Variants in SCYL3 observed in about 807,000 individuals in gnomAD.
SCYL3 encodes SCY1 like pseudokinase 3.
A neutral mutation model predicts 73.8 loss-of-function variants in SCYL3; 35 were observed. The ratio of observed to expected loss-of-function variants is 0.47; its 90% CI spans 0.36 to 0.63. The LOEUF (loss-of-function observed/expected upper bound fraction) is 0.63, where lower values mean the gene tolerates loss of function less well. SCYL3 is among the 20% of genes least tolerant of loss of function. The probability of loss-of-function intolerance (pLI) is 0.00; values close to 1 mark genes in which losing one functional copy is unlikely to be tolerated. For synonymous variants in SCYL3, 277 were observed against 295.2 expected (o/e 0.94, Z 0.63); for missense variants, 712 against 798.9 (o/e 0.89, Z 1.31).
chr1:169,873,850 C>T, intron 4 of SCYL3, 98 bp from the exon 5 acceptor site: 1 of 778,216 alleles, frequency 1.3e-6, no homozygotes, highest in Admixed American at 2.5e-5. Context: ...ATGCAAACAG[C>T]ACCAATTAAA....
chr1:169,863,439 ATTG>A (rs1297909782), intron 9 of SCYL3, among the ~76,000 whole-genome samples: 2 of 152,130 alleles, frequency 1.3e-5, no homozygotes, highest in East Asian at 1.9e-4. Context: ...ACATACTGAT[ATTG>A]TTGTAGTTTT....
At position 169,852,809 on chromosome 1, in the gene SCYL3, G is replaced by T. The variant is rs758659627; in HGVS notation, c.*904C>A. 4 of 1,613,942 alleles carry T rather than the reference G, an allele frequency of 2.5e-6. No individual in the cohort carries two copies. In the Admixed American group the frequency reaches 6.7e-5, roughly 27 times the overall value. On this transcript the variant is annotated 3_prime_UTR_variant, in exon 13 of 13. Coordinates refer to ENST00000367771, the MANE Select transcript of SCYL3 (RefSeq NM_020423.7). The stretch of plus-strand genomic sequence containing the variant: ...TTCCAGCCTTATGCAAAAAGAGCTC[G>T]TCAGGAGTTCCCCTGGGAAGAAGAG...
rs750523786 is a variant in SCYL3 at position 169,854,797 on chromosome 1, A to C, written c.1480T>G (p.Trp494Gly). The C allele has an allele frequency of 1.2e-6, 2 of 1,614,064 alleles. No homozygotes were observed. The highest frequency in any genetic ancestry group is 2.2e-5 in the South Asian group (2 of 91,084). Residue 494 changes from tryptophan (W) to glycine (G), a missense_variant, in exon 12 of 13, where the codon TGG becomes GGG. By Grantham distance (184) the Trp-to-Gly change is radical (BLOSUM62 -2). Transcript: ENST00000367771. ...ACATCATCACAAGGTTCTCTAGGCC[A>C]AATCTGTATGTTGACAGTTTGATTT... ...PENQTVNIQIWPREPCDDVKS... is the reference protein window; with the variant it reads ...PENQTVNIQIGPREPCDDVKS...
intron 4 of SCYL3, among the ~76,000 whole-genome samples, 153 bp from the exon 5 acceptor site, chr1:169,873,905 T>C (rs1243210276): frequency 6.6e-6 from 1 of 152,212 alleles, no homozygotes; most frequent in Non-Finnish European, 1.5e-5. Flanking sequence ...TTTAAAATGC[T>C]TCTAATTTTA....
intron 2 of SCYL3, among the ~76,000 whole-genome samples, chr1:169,883,971 C>T (rs983624719): frequency 1.1e-4 from 17 of 152,004 alleles, no homozygotes; most frequent in African/African-American, 3.9e-4. Flanking sequence ...CCACCCACCT[C>T]GGCTTCCCAA....
Position 169,876,004 on chromosome 1 carries a change from A to T in SCYL3, c.439T>A (p.Cys147Ser). 1 of 1,611,490 alleles carries T rather than the reference A, an allele frequency of 6.2e-7. No individual in the cohort carries two copies. The highest frequency in any genetic ancestry group is 8.5e-7 in the Non-Finnish European group (1 of 1,178,766). Residue 147 changes from cysteine (C) to serine (S), a missense_variant, in exon 4 of 13, where the codon TGT becomes AGT. Transcript: ENST00000367771. The stretch of plus-strand genomic sequence containing the variant: ...TCTGGTGTGGCCTGAGAAACTTTAC[A>T]AACAGTTTCCATTCCTCCTAGCTTC... ...HWKLGGMETV[C>S]KVSQATPEFL...
chr1:169,865,827 C>T (rs1389310220), intron 8 of SCYL3, among the ~76,000 whole-genome samples: 1 of 152,118 alleles, frequency 6.6e-6, no homozygotes, highest in African/African-American at 2.4e-5. Context: ...TTGGGAATAT[C>T]ATAGCCTTCC....
chr1:169,888,346 A>G (rs907343812), intron 2 of SCYL3, among the ~76,000 whole-genome samples: 2 of 152,262 alleles, frequency 1.3e-5, no homozygotes, highest in African/African-American at 4.8e-5. Flanking sequence ...GCATTTTGCT[A>G]GACGAGATTA....
chr1:169,887,602 A>G (rs12144683), intron 2 of SCYL3, among the ~76,000 whole-genome samples: 9,987 of 152,294 alleles, frequency 0.066, 427 homozygotes, highest in Non-Finnish European at 0.1. Context: ...AAAATTCTTA[A>G]CAATACCTAG....
At chr1:169,855,050 T>C in intron 11 of SCYL3, 86 bp from the exon 12 acceptor site, 2 of 949,026 alleles carry the variant, frequency 2.1e-6, no homozygotes, top group South Asian at 1.7e-5. Flanking sequence ...GGAAGTGTAG[T>C]AGTATAGGTC....
Position 169,854,654 on chromosome 1 carries a change from G to A in SCYL3, c.1623C>T (p.Thr541=), listed in dbSNP as rs140613939. ...CAGGAATAGGCTTCTGCTCCCCTGA[G>A]GTAACAGGTTTTGTAGCAGTGATTC... ...GGGITATKPV[T]SGEQKPIPAL... The change falls in exon 12 of 13, where the codon ACC becomes ACT. Residue 541 remains threonine (T), a synonymous_variant. Coordinates refer to ENST00000367771, the MANE Select transcript of SCYL3 (RefSeq NM_020423.7). 200 of 1,614,056 alleles carry A rather than the reference G, an allele frequency of 1.2e-4. No individual in the cohort carries two copies. The African/African-American group carries it at 2.4e-3, about 19-fold the overall frequency.
At chr1:169,879,998 G>A (rs1268040367) in intron 2 of SCYL3, among the ~76,000 whole-genome samples, 2 of 151,876 alleles carry the variant, frequency 1.3e-5, no homozygotes, top group Admixed American at 6.6e-5. Flanking sequence ...CCAGGTTTGG[G>A]GACTCACACC....
intron 2 of SCYL3, among the ~76,000 whole-genome samples, chr1:169,884,310 TTTTTGAGACA>T (rs1290626373): frequency 1.3e-5 from 2 of 152,172 alleles, no homozygotes; most frequent in African/African-American, 4.8e-5. Flanking sequence ...TTTTGTTTTG[TTTTTGAGACA>T]GAGTGTCGCT....
Position 169,864,490 on chromosome 1 carries a change from G to A in SCYL3, c.834C>T (p.Val278=), listed in dbSNP as rs766664617. ...CTATCAATTCCTCTGACAAGCAGCT[G>A]ACTCTGTCCAGCAGAAATCTGAGGA... ...TEFFKFLLDR[V]SCLSEELIAS... The change falls in exon 9 of 13, where the codon GTC becomes GTT. Residue 278 remains valine (V), a synonymous_variant. Transcript: ENST00000367771. 1 of 1,604,154 alleles carries A rather than the reference G, an allele frequency of 6.2e-7. No homozygotes were observed. The highest frequency in any genetic ancestry group is 2.2e-5 in the East Asian group (1 of 44,822).
At chr1:169,880,865 G>C (rs1661193382) in intron 2 of SCYL3, among the ~76,000 whole-genome samples, 1 of 151,208 alleles carries the variant, frequency 6.6e-6, no homozygotes, top group Non-Finnish European at 1.5e-5. Context: ...GGGTTCAAGT[G>C]ATTCCCCTGC....
chr1:169,877,648 T>A (rs1251964356), intron 3 of SCYL3, among the ~76,000 whole-genome samples: 1 of 152,146 alleles, frequency 6.6e-6, no homozygotes, highest in African/African-American at 2.4e-5. Flanking sequence ...AAAGAACATC[T>A]CTGGAATAAT....
At chr1:169,860,110 G>A (rs1035430314) in intron 10 of SCYL3, 1 of 152,172 alleles carries the variant, frequency 6.6e-6, no homozygotes. Flanking sequence ...AACCATTTTG[G>A]CCATGTGCAC....
At chr1:169,856,578 C>T (rs1332051467) in intron 11 of SCYL3, among the ~76,000 whole-genome samples, 3 of 152,094 alleles carry the variant, frequency 2.0e-5, no homozygotes, top group Non-Finnish European at 4.4e-5. Context: ...CTCTTCAGCA[C>T]CACATCTCCC....
At chr1:169,877,674 A>G (rs1660950121) in intron 3 of SCYL3, among the ~76,000 whole-genome samples, 1 of 152,220 alleles carries the variant, frequency 6.6e-6, no homozygotes, top group South Asian at 2.1e-4. Context: ...AGTTACCACC[A>G]TTGCCTCTGA....
Sources: allele counts gnomAD v4.1 joint callset (sites outside exome capture counted in the v4.1 genomes callset), GRCh38; gene constraint gnomAD v4.1.1; transcripts MANE v1.5; gene names NCBI Gene and HGNC (gene_info 2026-07-23, HGNC 2026-07-21).